The following GSTCD variants were observed in gnomAD, a reference collection of about 807,000 sequenced individuals.
The protein encoded by GSTCD is glutathione S-transferase C-terminal domain-containing protein.
GSTCD carries 44 observed loss-of-function variants against 68.3 expected under a neutral mutation model. The ratio of observed to expected loss-of-function variants is 0.64; its 90% CI spans 0.51 to 0.83. GSTCD has a LOEUF of 0.83. Ranked by LOEUF, GSTCD falls within the 40% of genes least tolerant of loss-of-function variation. The probability of loss-of-function intolerance (pLI) is 0.00; values close to 1 mark genes in which losing one functional copy is unlikely to be tolerated. For missense variants in GSTCD, 739 were observed against 735.9 expected (o/e 1.00, Z -0.05); for synonymous variants, 273 against 255.2 (o/e 1.07, Z -0.67).
intron 5 of GSTCD, among the ~76,000 whole-genome samples, chr4:105,804,984 T>C (rs927452510): frequency 6.6e-6 from 1 of 152,162 alleles, no homozygotes; most frequent in African/African-American, 2.4e-5. Flanking sequence ...GTTCCTTTTT[T>C]ATGGCTGCAT....
chr4:105,739,195 A>G (rs560650276), intron 5 of GSTCD, among the ~76,000 whole-genome samples: 1 of 152,202 alleles, frequency 6.6e-6, no homozygotes, highest in Non-Finnish European at 1.5e-5. Context: ...CCACTTGATC[A>G]TGGTAATGAG....
intron 5 of GSTCD, among the ~76,000 whole-genome samples, chr4:105,777,796 G>A (rs1484532156): frequency 1.3e-5 from 2 of 152,140 alleles, no homozygotes. Flanking sequence ...GACAACGTTT[G>A]TAACACACTT....
At chr4:105,743,568 T>C (rs1461721216) in intron 5 of GSTCD, among the ~76,000 whole-genome samples, 1 of 151,978 alleles carries the variant, frequency 6.6e-6, no homozygotes, top group Non-Finnish European at 1.5e-5. Context: ...ATTATTATAT[T>C]TTTAATGGAC....
chr4:105,828,313 G>T (rs1326134909), intron 8 of GSTCD, among the ~76,000 whole-genome samples: 1 of 152,112 alleles, frequency 6.6e-6, no homozygotes, highest in East Asian at 1.9e-4. Flanking sequence ...GTATGTTAGT[G>T]TACAATTAAA....
At chr4:105,817,462 A>G (rs557717393) in intron 5 of GSTCD, among the ~76,000 whole-genome samples, 14 of 152,008 alleles carry the variant, frequency 9.2e-5, no homozygotes, top group African/African-American at 3.4e-4. Context: ...TGATGATTTC[A>G]TAGACTGAAC....
chr4:105,784,692 C>T (rs1735399163), intron 5 of GSTCD, among the ~76,000 whole-genome samples: 1 of 152,164 alleles, frequency 6.6e-6, no homozygotes, highest in Non-Finnish European at 1.5e-5. Flanking sequence ...GCTTTCCTTT[C>T]TCTTCCCCAC....
chr4:105,735,920 GCC>G (rs1733446581), intron 5 of GSTCD, among the ~76,000 whole-genome samples: 1 of 151,758 alleles, frequency 6.6e-6, no homozygotes, highest in Admixed American at 6.6e-5. Flanking sequence ...TAATCACAAT[GCC>G]ATTATCATAC....
intron 1 of GSTCD, chr4:105,710,883 T>A (rs991488040): frequency 5.9e-5 from 9 of 152,212 alleles, no homozygotes; most frequent in African/African-American, 1.9e-4. Context: ...AGCTTTTCAC[T>A]TAAAAACTTT....
chr4:105,755,614 G>T (rs1734161080), intron 5 of GSTCD, among the ~76,000 whole-genome samples: 1 of 151,904 alleles, frequency 6.6e-6, no homozygotes, highest in Non-Finnish European at 1.5e-5. Context: ...TAAGGGTTCA[G>T]TTCCACAAAA....
intron 5 of GSTCD, among the ~76,000 whole-genome samples, chr4:105,811,319 A>G (rs1722740327): frequency 6.6e-6 from 1 of 151,950 alleles, no homozygotes. Context: ...AATTTCTGAA[A>G]TATTAGTATT....
At chr4:105,753,832 G>T (rs1734089183) in intron 5 of GSTCD, among the ~76,000 whole-genome samples, 1 of 151,930 alleles carries the variant, frequency 6.6e-6, no homozygotes, top group Admixed American at 6.6e-5. Flanking sequence ...ATTCCATTTT[G>T]TACATCTGCA....
chr4:105,740,664 C>T (rs1361726844), intron 5 of GSTCD, among the ~76,000 whole-genome samples: 1 of 152,124 alleles, frequency 6.6e-6, no homozygotes, highest in African/African-American at 2.4e-5. Flanking sequence ...TACCTTTTAT[C>T]ATCTTCCTTT....
intron 8 of GSTCD, 53 bp downstream of exon 8, chr4:105,825,853 C>A: frequency 8.8e-7 from 1 of 1,134,120 alleles, no homozygotes; most frequent in Admixed American, 1.8e-5. Flanking sequence ...AGAAAAATTA[C>A]ATGCCTTAGA....
intron 5 of GSTCD, among the ~76,000 whole-genome samples, chr4:105,814,444 C>T (rs1578499116): frequency 6.6e-6 from 1 of 152,028 alleles, no homozygotes; most frequent in Non-Finnish European, 1.5e-5. Flanking sequence ...AAAACCTCGT[C>T]TCTACTAAAA....
chr4:105,727,665 TG>T (rs1733085975), intron 4 of GSTCD, among the ~76,000 whole-genome samples: 1 of 151,860 alleles, frequency 6.6e-6, no homozygotes, highest in Admixed American at 6.6e-5. Context: ...CATAAAAGCC[TG>T]GGTGACAGAG....
intron 5 of GSTCD, among the ~76,000 whole-genome samples, chr4:105,757,513 T>A (rs1734239458): frequency 6.6e-6 from 1 of 152,200 alleles, no homozygotes; most frequent in Non-Finnish European, 1.5e-5. Flanking sequence ...GTCAAAACAC[T>A]CACTCTGAAA....
chr4:105,825,895 CCAAA>C (rs1388778053), intron 8 of GSTCD, 95 bp downstream of exon 8: 22 of 684,032 alleles, frequency 3.2e-5, no homozygotes, highest in Middle Eastern at 4.0e-4. Context: ...GTGTTCTTTG[CCAAA>C]CAAATTTATA....
intron 10 of GSTCD, among the ~76,000 whole-genome samples, chr4:105,840,627 TGTC>T (rs1225828570): frequency 2.6e-5 from 4 of 152,204 alleles, no homozygotes; most frequent in Non-Finnish European, 4.4e-5. Flanking sequence ...AATGAACAGT[TGTC>T]GTGGGATCAT....
chr4:105,794,051 G>A (rs1462434715), intron 5 of GSTCD, among the ~76,000 whole-genome samples: 1 of 152,010 alleles, frequency 6.6e-6, no homozygotes, highest in African/African-American at 2.4e-5. Flanking sequence ...AAAACTATTT[G>A]TTTTTAATAC....
Sources: allele counts gnomAD v4.1 joint callset (sites outside exome capture counted in the v4.1 genomes callset), GRCh38; gene constraint gnomAD v4.1.1; transcripts MANE v1.5; gene names NCBI Gene and HGNC (gene_info 2026-07-23, HGNC 2026-07-21).